The following LAMA1 variants were observed in gnomAD, a reference collection of about 807,000 sequenced individuals.
The protein encoded by LAMA1 is laminin subunit alpha-1.
Under a neutral mutation model 348.7 loss-of-function variants are expected in LAMA1, and 219 were observed. That is an observed-to-expected ratio of 0.63 (90% CI 0.56 to 0.70). The LOEUF is 0.70. Among genes scored for constraint, LAMA1 ranks in the 30% least tolerant of loss-of-function variants. The pLI, the probability that LAMA1 is intolerant of heterozygous loss-of-function variation, is 0.00. For missense variants in LAMA1, 3,744 were observed against 3,888.0 expected (o/e 0.96, Z 0.99); for synonymous variants, 1,487 against 1,491.0 (o/e 1.00, Z 0.06).
intron 36 of LAMA1, among the ~76,000 whole-genome samples, chr18:6,988,503 T>C (rs896270471): frequency 6.6e-6 from 1 of 152,164 alleles, no homozygotes; most frequent in Non-Finnish European, 1.5e-5. Flanking sequence ...TGTGCTTCTT[T>C]AATGACATAT....
At chr18:7,056,273 G>A (rs1197413572) in intron 3 of LAMA1, among the ~76,000 whole-genome samples, 1 of 152,138 alleles carries the variant, frequency 6.6e-6, no homozygotes, top group Non-Finnish European at 1.5e-5. Context: ...AAGCAGAGGC[G>A]CCACATGAGC....
At position 6,975,845 on chromosome 18, in the gene LAMA1, C is replaced by T. The variant is rs556663108; in HGVS notation, c.6489+92G>A. On this transcript the variant is annotated intron_variant, in intron 45 of 62. Transcript: ENST00000389658. ...GGGAGATTTAGAGATTTCACTAAGG[C>T]CTATTTTTTTTTCGTCAAATAAGTG... 239 of 1,457,000 alleles carry T rather than the reference C, an allele frequency of 1.6e-4. No homozygotes were observed. The African/African-American group carries it at 3.0e-3, about 18-fold the overall frequency. The allele number at this position is 1,457,000 out of a possible 1,614,324, so 90.3% of individuals were successfully genotyped here.
chr18:7,117,749 G>A lies in LAMA1; in HGVS notation c.-29C>T, dbSNP rs766538564. On this transcript the variant is annotated 5_prime_UTR_variant, in exon 1 of 63. Transcript: ENST00000389658. ...GCCTCCGCCGCCACTCGGTGGGTCTGGGGAGAAAGCCGCGCGCCCGCCTGG... is the reference window on the plus strand; with the variant it reads ...GCCTCCGCCGCCACTCGGTGGGTCTAGGGAGAAAGCCGCGCGCCCGCCTGG... The A allele has an allele frequency of 1.9e-6, 3 of 1,589,158 alleles. No homozygotes were observed. The highest frequency in any genetic ancestry group is 2.3e-5 in the East Asian group (1 of 44,326).
In LAMA1 at chr18:7,040,197, G is replaced by A. The variant is rs1292325504; in HGVS notation, c.1301C>T (p.Thr434Ile). The A allele has an allele frequency of 1.2e-6, 2 of 1,614,012 alleles. No individual in the cohort carries two copies. Among genetic ancestry groups the A allele is most frequent in the African/African-American group, 1.3e-5 (1 of 74,920 alleles). The part of the protein sequence containing the change: ...PGQCPCKEGY[T>I]GEKCDRCQLG... ...TTGGCAGCGATCACATTTTTCTCCTGTATAACCTTCCTTACATGGGCACTG... is the reference window on the plus strand; with the variant it reads ...TTGGCAGCGATCACATTTTTCTCCTATATAACCTTCCTTACATGGGCACTG... Residue 434 changes from threonine to isoleucine, a missense_variant, in exon 10 of 63, where the codon ACA becomes ATA. Physicochemically the swap from Thr to Ile is moderately conservative, Grantham distance 89. Transcript: ENST00000389658.
chr18:6,961,358 CT>C (rs1227014982), intron 53 of LAMA1, among the ~76,000 whole-genome samples: 1 of 152,158 alleles, frequency 6.6e-6, no homozygotes, highest in Non-Finnish European at 1.5e-5. Context: ...CAGCAAATAA[CT>C]TTTTCCTCAG....
At chr18:7,085,765 T>C (rs2058214877) in intron 1 of LAMA1, among the ~76,000 whole-genome samples, 1 of 152,130 alleles carries the variant, frequency 6.6e-6, no homozygotes, top group African/African-American at 2.4e-5. Flanking sequence ...CATCTATAAT[T>C]TGATCAGAGA....
intron 11 of LAMA1, among the ~76,000 whole-genome samples, chr18:7,038,137 T>C (rs1316557278): frequency 6.6e-6 from 1 of 152,114 alleles, no homozygotes; most frequent in African/African-American, 2.4e-5. Context: ...TGTTGAAAAA[T>C]GTACAAAGAT....
At chr18:7,107,699 C>T (rs181162818) in intron 1 of LAMA1, among the ~76,000 whole-genome samples, 12 of 152,298 alleles carry the variant, frequency 7.9e-5, no homozygotes, top group African/African-American at 2.4e-4. Context: ...TAAGGAAATA[C>T]TATTCTCCTC....
intron 46 of LAMA1, among the ~76,000 whole-genome samples, chr18:6,974,455 C>CCTTTTTT (rs2057672202): frequency 7.8e-6 from 1 of 128,294 alleles, no homozygotes; most frequent in Non-Finnish European, 1.7e-5. Flanking sequence ...TATTTCTTTT[C>CCTTTTTT]TTTTTTTTTT....
chr18:6,965,366 G>A lies in LAMA1; in HGVS notation c.7117C>T (p.Pro2373Ser). The stretch of plus-strand genomic sequence containing the variant: ...CGTCTGTCTGTCAAAAGGGTAATGG[G>A]TCCTGAACCCAGGTCAGTCATAACC... Reference protein sequence around the residue: ...VKVMTDLGSGPITLLTDRRYN... With the variant: ...VKVMTDLGSGSITLLTDRRYN... The change falls in exon 50 of 63, where the codon CCC (proline) becomes TCC (serine). Residue 2373 changes from proline (P) to serine (S), a missense_variant. Pro to Ser is a moderately conservative substitution (Grantham distance 74, BLOSUM62 -1). Around this residue, in one of 3 missense-constraint regions of LAMA1, gnomAD observed 1,983 missense variants for 1,934.3 expected, o/e 1.03. Transcript: ENST00000389658. The A allele has an allele frequency of 6.2e-7, 1 of 1,614,132 alleles. No individual in the cohort carries two copies. The highest frequency in any genetic ancestry group is 8.5e-7 in the Non-Finnish European group (1 of 1,180,000).
At chr18:7,018,550 C>A (rs1475882949) in intron 19 of LAMA1, among the ~76,000 whole-genome samples, 5 of 151,404 alleles carry the variant, frequency 3.3e-5, no homozygotes, top group African/African-American at 1.2e-4. Flanking sequence ...CGCCTGCCAC[C>A]ACGCCTGGCT....
chr18:6,976,588 A>ACATTTATTTATT (rs751868026), intron 44 of LAMA1, among the ~76,000 whole-genome samples: 17 of 148,308 alleles, frequency 1.1e-4, no homozygotes, highest in South Asian at 2.2e-4. Context: ...CCTTGGGCTT[A>ACATTTATTTATT]TATTTATTTA....
chr18:7,057,875 A>G (rs567001028), intron 3 of LAMA1, among the ~76,000 whole-genome samples: 2 of 145,148 alleles, frequency 1.4e-5, no homozygotes, highest in African/African-American at 5.1e-5. Flanking sequence ...GCTCACTGCA[A>G]CCTCCACCTC....
chr18:7,089,900 C>T (rs527354388), intron 1 of LAMA1, among the ~76,000 whole-genome samples: 56 of 152,276 alleles, frequency 3.7e-4, no homozygotes, highest in African/African-American at 1.3e-3. Context: ...TTCATCTTCA[C>T]TCAAACCTTT....
At chr18:7,038,064 A>G (rs1235265366) in intron 11 of LAMA1, among the ~76,000 whole-genome samples, 1 of 152,244 alleles carries the variant, frequency 6.6e-6, no homozygotes, top group Non-Finnish European at 1.5e-5. Context: ...AAATGCATTC[A>G]GCAAAATGTC....
rs968130420 is a variant in LAMA1, at chr18:6,966,164, G to A, written c.7033C>T (p.Leu2345=). Residue 2345 remains leucine (L), a synonymous_variant, in exon 49 of 63, where the codon CTG becomes TTG. Coordinates refer to ENST00000389658, the MANE Select transcript of LAMA1 (RefSeq NM_005559.4). The stretch of plus-strand genomic sequence containing the variant: ...ACTCTTACTGTGCCGTATGAACCCA[G>A]GTAGAGAAGAAGTCCATTAGGTGAA... The part of the protein sequence containing the change: ...TFSPNGLLLY[L]GSYGTKDFLS... 3.1e-6 allele frequency: 5 copies of A among 1,614,138 alleles called. No homozygotes were observed. Among genetic ancestry groups the A allele is most frequent in the Non-Finnish European group, 4.2e-6 (5 of 1,180,008 alleles).
At chr18:7,062,787 T>C (rs2143749737) in intron 3 of LAMA1, among the ~76,000 whole-genome samples, 1 of 152,302 alleles carries the variant, frequency 6.6e-6, no homozygotes, top group Middle Eastern at 3.4e-3. Flanking sequence ...TTCCCCGCTC[T>C]TGCCTCAGTC....
intron 1 of LAMA1, among the ~76,000 whole-genome samples, chr18:7,083,088 A>T (rs1191320193): frequency 6.6e-6 from 1 of 152,064 alleles, no homozygotes; most frequent in Non-Finnish European, 1.5e-5. Flanking sequence ...ACATAAATTT[A>T]ACTGTTTTTG....
chr18:6,970,542 G>A (rs937935562), intron 48 of LAMA1, among the ~76,000 whole-genome samples: 1 of 151,994 alleles, frequency 6.6e-6, no homozygotes, highest in Admixed American at 6.5e-5. Context: ...GGGGGACCTG[G>A]GCCAGAAGCC....
Sources: allele counts gnomAD v4.1 joint callset (sites outside exome capture counted in the v4.1 genomes callset), GRCh38; gene constraint gnomAD v4.1.1; regional missense constraint gnomAD v4.1.1; transcripts MANE v1.5; gene names NCBI Gene and HGNC (gene_info 2026-07-23, HGNC 2026-07-21).